Variants in ZNF526 observed in about 807,000 individuals in gnomAD.
ZNF526 encodes zinc finger protein 526.
In ZNF526, 16 loss-of-function variants were observed where a neutral mutation model predicts 32.4. The ratio of observed to expected loss-of-function variants is 0.49; its 90% CI spans 0.33 to 0.75. The LOEUF is 0.75. Ranked by LOEUF, ZNF526 falls within the 30% of genes least tolerant of loss-of-function variation. ZNF526 has a pLI of 0.02. For missense variants in ZNF526, 838 were observed against 920.7 expected (o/e 0.91, Z 1.16); for synonymous variants, 355 against 363.4 (o/e 0.98, Z 0.26).
chr19:42,226,362 A>C lies in ZNF526; in HGVS notation c.1959A>C (p.Ala653=), dbSNP rs1296869596. The C allele has an allele frequency of 3.7e-6, 6 of 1,614,120 alleles. No individual in the cohort carries two copies. The African/African-American group carries it at 8.0e-5, about 22-fold the overall frequency. ...LEDTLQLCQA[A]LGASEAGGLL... ...ACACCCTGCAGCTGTGCCAGGCTGCACTGGGGGCCAGTGAAGCAGGCGGGC... is the reference window on the plus strand; with the variant it reads ...ACACCCTGCAGCTGTGCCAGGCTGCCCTGGGGGCCAGTGAAGCAGGCGGGC... The change falls in exon 3 of 3, where the codon GCA becomes GCC. Residue 653 remains alanine (A), a synonymous_variant. Coordinates refer to ENST00000301215, the MANE Select transcript of ZNF526 (RefSeq NM_133444.3).
In ZNF526 at chr19:42,225,523, A is replaced by G; in HGVS notation, c.1120A>G (p.Thr374Ala). 1.2e-6 allele frequency: 2 copies of G among 1,612,574 alleles called. No individual in the cohort carries two copies. Among genetic ancestry groups the G allele is most frequent in the South Asian group, 1.1e-5 (1 of 91,066 alleles). ...TGGCCGCGGCTTTGGCACAGAACTC[A>G]CGTTGGTGGCTCACCGGCGGGCCCA... The part of the protein sequence containing the change: ...DCGRGFGTEL[T>A]LVAHRRAHTA... The change falls in exon 3 of 3, where the codon ACG (threonine) becomes GCG (alanine). Residue 374 changes from threonine to alanine, a missense_variant. Transcript: ENST00000301215.
At chr19:42,222,942 G>A (rs1404508806) in intron 1 of ZNF526, among the ~76,000 whole-genome samples, 1 of 152,184 alleles carries the variant, frequency 6.6e-6, no homozygotes, top group Non-Finnish European at 1.5e-5. Flanking sequence ...CAGGGTTACA[G>A]CTGACCTTTA....
chr19:42,222,396 C>T (rs1304154107), intron 1 of ZNF526, among the ~76,000 whole-genome samples: 1 of 152,046 alleles, frequency 6.6e-6, no homozygotes, highest in Non-Finnish European at 1.5e-5. Context: ...ATATGAGCAA[C>T]TTCTATATGC....
intron 1 of ZNF526, among the ~76,000 whole-genome samples, chr19:42,223,694 G>C (rs1351673397): frequency 6.6e-6 from 1 of 151,234 alleles, no homozygotes; most frequent in Non-Finnish European, 1.5e-5. Context: ...GCGCACACTT[G>C]TAGTCCCAGC....
Position 42,226,118 on chromosome 19 carries a change from C to T in ZNF526, c.1715C>T (p.Pro572Leu), listed in dbSNP as rs1352166591. The stretch of plus-strand genomic sequence containing the variant: ...ATCACTGGTCTCTACAACAAGAGTC[C>T]CTACTACTGCGGGACTTGTGGCCGC... Reference protein sequence around the residue: ...LPITGLYNKSPYYCGTCGRWF... With the variant: ...LPITGLYNKSLYYCGTCGRWF... Residue 572 changes from proline to leucine, a missense_variant, in exon 3 of 3, where the codon CCC becomes CTC. Coordinates refer to ENST00000301215, the MANE Select transcript of ZNF526 (RefSeq NM_133444.3). The T allele has an allele frequency of 1.9e-6, 3 of 1,606,064 alleles. No homozygotes were observed. Among genetic ancestry groups the T allele is most frequent in the East Asian group, 2.2e-5 (1 of 44,888 alleles).
At position 42,226,536 on chromosome 19, in the gene ZNF526, T is replaced by G; in HGVS notation, c.*120T>G. Reference sequence around the variant, plus strand: ...ACCCACCATGTGCCAGGATCCACCCTGGCCTCTTTTTACCCACTGACTCCC... The same window carrying G: ...ACCCACCATGTGCCAGGATCCACCCGGGCCTCTTTTTACCCACTGACTCCC... On this transcript the variant is annotated 3_prime_UTR_variant, in exon 3 of 3. Coordinates refer to ENST00000301215, the MANE Select transcript of ZNF526 (RefSeq NM_133444.3). The G allele has an allele frequency of 7.1e-7, 1 of 1,416,676 alleles. No homozygotes were observed. The highest frequency in any genetic ancestry group is 1.9e-4 in the Middle Eastern group (1 of 5,134). 87.8% of individuals were successfully genotyped at this position (1,416,676 alleles called of 1,614,324 possible).
rs2036183077 is a variant in ZNF526, at chr19:42,226,467, G to C, written c.*51G>C. The C allele has an allele frequency of 6.2e-7, 1 of 1,612,522 alleles. No homozygotes were observed. Among genetic ancestry groups the C allele is most frequent in the Non-Finnish European group, 8.5e-7 (1 of 1,179,174 alleles). ...GGTTTGGTTGCAACAGCCAGTGTGGGTACCTCTGGGGAGAGAGGACCTCCT... is the reference window on the plus strand; with the variant it reads ...GGTTTGGTTGCAACAGCCAGTGTGGCTACCTCTGGGGAGAGAGGACCTCCT... On this transcript the variant is annotated 3_prime_UTR_variant, in exon 3 of 3. Coordinates refer to ENST00000301215, the MANE Select transcript of ZNF526 (RefSeq NM_133444.3).
In ZNF526 at chr19:42,225,243, G is replaced by A; in HGVS notation, c.840G>A (p.Gln280=). ...GWAQGCGDCP[Q]HQPSAGARRQ... ...CTCAGGGCTGCGGGGACTGTCCCCA[G>A]CACCAGCCCTCAGCAGGGGCTCGCC... The change falls in exon 3 of 3, where the codon CAG becomes CAA. Residue 280 remains glutamine, a synonymous_variant. Coordinates refer to ENST00000301215, the MANE Select transcript of ZNF526 (RefSeq NM_133444.3). 1 of 1,614,112 alleles carries A rather than the reference G, an allele frequency of 6.2e-7. No homozygotes were observed. Among genetic ancestry groups the A allele is most frequent in the Non-Finnish European group, 8.5e-7 (1 of 1,179,974 alleles).
At chr19:42,222,535 G>A (rs1404019290) in intron 1 of ZNF526, among the ~76,000 whole-genome samples, 1 of 152,196 alleles carries the variant, frequency 6.6e-6, no homozygotes, top group Non-Finnish European at 1.5e-5. Flanking sequence ...TTTGTTGAGT[G>A]TACTCTGAGT....
chr19:42,225,956 AC>A lies in ZNF526; in HGVS notation c.1555del (p.Gln519SerfsTer2). The A allele has an allele frequency of 5.0e-6, 8 of 1,614,066 alleles. No homozygotes were observed. The highest frequency in any genetic ancestry group is 6.8e-6 in the Non-Finnish European group (8 of 1,180,010). On this transcript the variant is annotated frameshift_variant, in exon 3 of 3. Transcript: ENST00000301215. LOFTEE classifies it high-confidence loss of function. ...TFASLANLSR[H>X]QLTHTGARPY... ...GCTTCTTTGGCCAACCTCAGCCGCC[AC>A]CAGCTGACCCATACGGGTGCACGTC...
intron 1 of ZNF526, among the ~76,000 whole-genome samples, chr19:42,222,429 C>T (rs1390377144): frequency 1.3e-5 from 2 of 152,134 alleles, no homozygotes; most frequent in African/African-American, 2.4e-5. Context: ...CAGACTCCAC[C>T]TGCCCTCTGG....
chr19:42,225,401 A>T lies in ZNF526; in HGVS notation c.998A>T (p.Glu333Val), dbSNP rs758406601. The change falls in exon 3 of 3, where the codon GAG becomes GTG. Residue 333 changes from glutamate (E) to valine (V), a missense_variant. Transcript: ENST00000301215. ...CGGGCCCATGTTGGTGGCACACATG[A>T]GTGTACAACCTGCTCCAAGGTCTTC... The part of the protein sequence containing the change: ...HGRAHVGGTH[E>V]CTTCSKVFKK... 6.2e-7 allele frequency: 1 copy of T among 1,614,026 alleles called. No homozygotes were observed. The highest frequency in any genetic ancestry group is 1.3e-5 in the African/African-American group (1 of 75,068).
chr19:42,226,715 A>G lies in ZNF526; in HGVS notation c.*299A>G. On this transcript the variant is annotated 3_prime_UTR_variant, in exon 3 of 3. Transcript: ENST00000301215. ...GCACTGCATCACCCTGGTGCCCAGC[A>G]ACATCAGGTAACCTTCACTGAGCAC... 3 of 503,672 alleles carry G rather than the reference A, an allele frequency of 6.0e-6. No individual in the cohort carries two copies. Among genetic ancestry groups the G allele is most frequent in the South Asian group, 4.1e-5 (2 of 48,960 alleles). The allele number at this position is 503,672 out of a possible 1,614,324, so 31.2% of individuals were successfully genotyped here. A position where few individuals can be genotyped will look rare whatever the true frequency, so the allele number is the denominator to read the frequency against.
In ZNF526 at chr19:42,228,174, T is replaced by G. The variant is rs1385352925; in HGVS notation, c.*1758T>G. The G allele has an allele frequency of 6.7e-6, 1 of 149,194 alleles. No individual in the cohort carries two copies. Among genetic ancestry groups the G allele is most frequent in the Admixed American group, 6.7e-5 (1 of 14,920 alleles). 9.2% of individuals were successfully genotyped at this position (149,194 alleles called of 1,614,324 possible). ...GTGTTCACACCACTGCACTCCAGTCTGGGCAACAGTGCAAGACCCTGTCAC... is the reference window on the plus strand; with the variant it reads ...GTGTTCACACCACTGCACTCCAGTCGGGGCAACAGTGCAAGACCCTGTCAC... On this transcript the variant is annotated 3_prime_UTR_variant, in exon 3 of 3. Transcript: ENST00000301215.
At chr19:42,223,304 C>T (rs568597521) in intron 1 of ZNF526, among the ~76,000 whole-genome samples, 1 of 151,966 alleles carries the variant, frequency 6.6e-6, no homozygotes, top group South Asian at 2.1e-4. Context: ...GGCAAGAGAT[C>T]GAGACCATCT....
chr19:42,226,586 T>C lies in ZNF526; in HGVS notation c.*170T>C. 1 of 840,434 alleles carries C rather than the reference T, an allele frequency of 1.2e-6. No homozygotes were observed. The allele number at this position is 840,434 out of a possible 1,614,324, so 52.1% of individuals were successfully genotyped here. ...CCAGAACAACCCTTCCAGGCTTCTC[T>C]TGTCATCTTTCTCTGCCTGAGGGGA... On this transcript the variant is annotated 3_prime_UTR_variant, in exon 3 of 3. Transcript: ENST00000301215.
Position 42,224,990 on chromosome 19 carries a change from C to T in ZNF526, c.587C>T (p.Pro196Leu). 1 of 1,614,206 alleles carries T rather than the reference C, an allele frequency of 6.2e-7. No individual in the cohort carries two copies. The highest frequency in any genetic ancestry group is 8.5e-7 in the Non-Finnish European group (1 of 1,180,044). The change falls in exon 3 of 3, where the codon CCC (proline) becomes CTC (leucine). Residue 196 changes from proline (P) to leucine (L), a missense_variant. Physicochemically the swap from Pro to Leu is moderately conservative, Grantham distance 98. Transcript: ENST00000301215. ...CCCCCATCCGAAGTCAAGATGGAGC[C>T]CTATGAGTGTCCTGAGTGCTCTACC... The part of the protein sequence containing the change: ...PSPPSEVKME[P>L]YECPECSTLC...
Position 42,225,764 on chromosome 19 carries a change from C to T in ZNF526, c.1361C>T (p.Ala454Val). The change falls in exon 3 of 3, where the codon GCT becomes GTT. Residue 454 changes from alanine (A) to valine (V), a missense_variant. Ala to Val is a moderately conservative substitution (Grantham distance 64). Transcript: ENST00000301215. ...CAGTGCTCCAAGTCCTTTGCCTCAG[C>T]TTCCCGGCTGTCCCGGCACCGGCGT... ...CPQCSKSFASASRLSRHRRAV... is the reference protein window; with the variant it reads ...CPQCSKSFASVSRLSRHRRAV... 2 of 1,613,222 alleles carry T rather than the reference C, an allele frequency of 1.2e-6. No homozygotes were observed. Among genetic ancestry groups the T allele is most frequent in the Non-Finnish European group, 1.7e-6 (2 of 1,179,922 alleles).
At position 42,225,642 on chromosome 19, in the gene ZNF526, C is replaced by T. The variant is rs993182678; in HGVS notation, c.1239C>T (p.Ser413=). 9.9e-6 allele frequency: 16 copies of T among 1,612,690 alleles called. No homozygotes were observed. The highest frequency in any genetic ancestry group is 1.1e-5 in the South Asian group (1 of 91,036). The stretch of plus-strand genomic sequence containing the variant: ...ACCGGCGCACTCACGCCGGCAAAAG[C>T]GGGGCACCTCCCACAGGAGCAACAG... ...LYHRRTHAGK[S]GAPPTGATAP... The change falls in exon 3 of 3, where the codon AGC becomes AGT. Residue 413 remains serine, a synonymous_variant. Transcript: ENST00000301215.
Sources: gnomAD v4.1 joint callset for allele counts (sites outside exome capture counted in the v4.1 genomes callset) on GRCh38, gnomAD v4.1.1 for gene constraint, MANE v1.5 for transcripts, NCBI Gene and HGNC (gene_info 2026-07-23, HGNC 2026-07-21) for gene names.